CFLAR: variants seen among roughly 807,000 people sequenced by gnomAD.
CFLAR encodes the protein CASP8 and FADD-like apoptosis regulator.
In CFLAR, 14 loss-of-function variants were observed where a neutral mutation model predicts 51.1. That is an observed-to-expected ratio of 0.27 (90% CI 0.18 to 0.43). The LOEUF (loss-of-function observed/expected upper bound fraction) is 0.43, where lower values mean the gene tolerates loss of function less well. Among genes scored for constraint, CFLAR ranks in the 20% least tolerant of loss-of-function variants. The probability of loss-of-function intolerance (pLI) is 1.00; values close to 1 mark genes in which losing one functional copy is unlikely to be tolerated. For synonymous variants in CFLAR, 210 were observed against 211.6 expected, an observed-to-expected ratio of 0.99 and a Z score of 0.06; for missense variants, 390 against 566.5, an observed-to-expected ratio of 0.69 and a Z score of 3.16.
rs907338657 is a variant in CFLAR, at chr2:201,127,141, G to A, written c.-137-2588G>A. ...GAAAAGTAAACTGCTGAAAACACTT[G>A]GGGGGAGAAATGAAGCTAATGGTAT... On this transcript the variant is annotated intron_variant, in intron 1 of 9. Coordinates refer to ENST00000309955, the MANE Select transcript of CFLAR (RefSeq NM_003879.7). 2.0e-5 allele frequency among the ~76,000 whole-genome samples: 3 copies of A among 152,268 alleles called. No homozygotes were observed. The East Asian group carries it at 5.8e-4, about 29-fold the overall frequency.
Position 201,172,803 on chromosome 2 carries a change from C to G in CFLAR, c.*8830C>G, listed in dbSNP as rs1379903727. Reference sequence around the variant, plus strand: ...GCATTTAGTTTATTCATCAGTTGATCGAAATTTAGACTGTTTCCACTTTTT... The same window carrying G: ...GCATTTAGTTTATTCATCAGTTGATGGAAATTTAGACTGTTTCCACTTTTT... On this transcript the variant is annotated 3_prime_UTR_variant, in exon 10 of 10. Coordinates refer to ENST00000309955, the MANE Select transcript of CFLAR (RefSeq NM_003879.7). 1.3e-5 allele frequency: 2 copies of G among 152,118 alleles called. No homozygotes were observed. The highest frequency in any genetic ancestry group is 2.9e-5 in the Non-Finnish European group (2 of 68,024). The allele number at this position is 152,118 out of a possible 1,614,324, so 9.4% of individuals were successfully genotyped here.
intron 8 of CFLAR, among the ~76,000 whole-genome samples, chr2:201,157,175 GTC>G (rs1298367038): frequency 6.6e-6 from 1 of 152,172 alleles, no homozygotes; most frequent in Non-Finnish European, 1.5e-5. Flanking sequence ...CTGAGACAGA[GTC>G]TCACTCTTTC....
chr2:201,125,484 A>AAG (rs1229253276), intron 1 of CFLAR, among the ~76,000 whole-genome samples: 1 of 152,018 alleles, frequency 6.6e-6, no homozygotes, highest in Non-Finnish European at 1.5e-5. Context: ...AGAGAGGATG[A>AAG]AGAGAGTAGA....
chr2:201,160,685 A>C lies in CFLAR; in HGVS notation c.1047A>C (p.Ala349=). 1.9e-6 allele frequency: 3 copies of C among 1,614,138 alleles called. No homozygotes were observed. Among genetic ancestry groups the C allele is most frequent in the Non-Finnish European group, 2.5e-6 (3 of 1,180,020 alleles). Residue 349 remains alanine, a synonymous_variant, in exon 9 of 10, where the codon GCA becomes GCC. Coordinates refer to ENST00000309955, the MANE Select transcript of CFLAR (RefSeq NM_003879.7). ...TGGGAGATTCATGCCCTTATCTAGC[A>C]GGGAAGCCAAAGATGTTTTTTATTC... ...MFMGDSCPYL[A]GKPKMFFIQN...
rs1212205808 is a variant in CFLAR at position 201,165,249 on chromosome 2, T to C, written c.*1276T>C. On this transcript the variant is annotated 3_prime_UTR_variant, in exon 10 of 10. Coordinates refer to ENST00000309955, the MANE Select transcript of CFLAR (RefSeq NM_003879.7). The stretch of plus-strand genomic sequence containing the variant: ...AAATATCATTAGAGTTGCTTATTAT[T>C]ATTATTATTATTATTATTATTATTA... 1 of 74,046 alleles carries C rather than the reference T, an allele frequency of 1.4e-5. No homozygotes were observed. The highest frequency in any genetic ancestry group is 3.6e-5 in the Non-Finnish European group (1 of 27,664). The allele number at this position is 74,046 out of a possible 1,614,324, so 4.6% of individuals were successfully genotyped here.
At position 201,164,010 on chromosome 2, in the gene CFLAR, A is replaced by G. The variant is rs1138209; in HGVS notation, c.*37A>G. The G allele has an allele frequency of 1.9e-6, 3 of 1,581,254 alleles. No individual in the cohort carries two copies. The highest frequency in any genetic ancestry group is 1.8e-4 in the Middle Eastern group (1 of 5,686). ...GCTGGGCGTAGTGGCTCACACCTGT[A>G]ATCCCAGCACTTTGGGAGGCCAAGG... On this transcript the variant is annotated 3_prime_UTR_variant, in exon 10 of 10. Transcript: ENST00000309955.
intron 8 of CFLAR, among the ~76,000 whole-genome samples, chr2:201,155,327 G>A (rs997340261): frequency 7.2e-5 from 11 of 151,830 alleles, no homozygotes; most frequent in Admixed American, 2.0e-4. Context: ...GTGCAATGGC[G>A]TTATCTTGGC....
Position 201,127,380 on chromosome 2 carries a change from T to A in CFLAR, c.-137-2349T>A, listed in dbSNP as rs541455257. On this transcript the variant is annotated intron_variant, in intron 1 of 9. Coordinates refer to ENST00000309955, the MANE Select transcript of CFLAR (RefSeq NM_003879.7). ...GCTCTAAAGAACTCATTCATCTGGGTGTGGTGGCTTACACCTGTAATCTCA... is the reference window on the plus strand; with the variant it reads ...GCTCTAAAGAACTCATTCATCTGGGAGTGGTGGCTTACACCTGTAATCTCA... Among the ~76,000 whole-genome samples, 22 of 152,200 alleles carry A rather than the reference T, an allele frequency of 1.4e-4. No individual in the cohort carries two copies. In the East Asian group the frequency reaches 4.1e-3, roughly 28 times the overall value.
intron 6 of CFLAR, 142 bp from the exon 7 acceptor site, chr2:201,148,861 G>A: frequency 3.3e-6 from 2 of 612,524 alleles, no homozygotes; most frequent in Non-Finnish European, 3.0e-6. Flanking sequence ...AAACCTTGGG[G>A]CCAAGTATAG....
rs1326876606 is a variant in CFLAR at position 201,149,029 on chromosome 2, G to A, written c.688G>A (p.Glu230Lys). Residue 230 changes from glutamate to lysine, a missense_variant, in exon 7 of 10, where the codon GAA becomes AAA. Physicochemically the swap from Glu to Lys is moderately conservative, Grantham distance 56. Around this residue, in one of 2 missense-constraint regions of CFLAR, gnomAD observed 287 missense variants for 363.6 expected, o/e 0.79. Coordinates refer to ENST00000309955, the MANE Select transcript of CFLAR (RefSeq NM_003879.7). ...QQEPVKKSIQ[E>K]SEAFLPQSIP... ...AGAACCAGTGAAGAAATCCATTCAG[G>A]AATCAGAAGCTTTTTTGCCTCAGGT... 6.2e-7 allele frequency: 1 copy of A among 1,612,306 alleles called. No individual in the cohort carries two copies. Among genetic ancestry groups the A allele is most frequent in the African/African-American group, 1.3e-5 (1 of 74,888 alleles).
At position 201,168,174 on chromosome 2, in the gene CFLAR, G is replaced by A. The variant is rs1943774066; in HGVS notation, c.*4201G>A. 6.6e-6 allele frequency: 1 copy of A among 152,152 alleles called. No individual in the cohort carries two copies. Among genetic ancestry groups the A allele is most frequent in the African/African-American group, 2.4e-5 (1 of 41,438 alleles). 9.4% of individuals were successfully genotyped at this position (152,152 alleles called of 1,614,324 possible). ...AGAGAACGGCATGAACCTGGGAGGT[G>A]GAGCTTGCAGCGAGCTGAGATCTTG... On this transcript the variant is annotated 3_prime_UTR_variant, in exon 10 of 10. Transcript: ENST00000309955.
chr2:201,124,316 A>G lies in CFLAR; in HGVS notation c.-137-5413A>G, dbSNP rs528006226. Among the ~76,000 whole-genome samples the G allele has an allele frequency of 1.2e-4, 18 of 152,198 alleles. No homozygotes were observed. The highest frequency in any genetic ancestry group is 2.1e-4 in the Non-Finnish European group (14 of 67,996). ...CCAGGGAAGTGTGTTAAGTGCTTCAATAGAGGTGTTTTGTTTTGTTTTGTT... is the reference window on the plus strand; with the variant it reads ...CCAGGGAAGTGTGTTAAGTGCTTCAGTAGAGGTGTTTTGTTTTGTTTTGTT... On this transcript the variant is annotated intron_variant, in intron 1 of 9. Transcript: ENST00000309955. The surrounding 1 kb of genome is among the most constrained non-coding windows in gnomAD (Gnocchi z 4.7).
Position 201,133,116 on chromosome 2 carries a change from C to G in CFLAR, c.369C>G (p.Gly123=). The G allele has an allele frequency of 1.2e-6, 2 of 1,612,710 alleles. No homozygotes were observed. Among genetic ancestry groups the G allele is most frequent in the Non-Finnish European group, 1.7e-6 (2 of 1,178,770 alleles). The change falls in exon 3 of 10, where the codon GGC becomes GGG. Residue 123 remains glycine, a synonymous_variant. Coordinates refer to ENST00000309955, the MANE Select transcript of CFLAR (RefSeq NM_003879.7). ...IFLMKDYMGR[G]KISKEKSFLD... ...TCATGAAGGATTACATGGGCCGAGG[C>G]AAGATAAGCAAGGAGAAGGTGAGTT...
chr2:201,158,160 C>G (rs529752977), intron 8 of CFLAR, among the ~76,000 whole-genome samples: 1 of 152,184 alleles, frequency 6.6e-6, no homozygotes, highest in African/African-American at 2.4e-5. Context: ...AGATTCAGAC[C>G]CTAGTAGGAG....
chr2:201,134,406 G>A lies in CFLAR; in HGVS notation c.387+1272G>A, dbSNP rs527500149. Among the ~76,000 whole-genome samples, 320 of 152,060 alleles carry A rather than the reference G, an allele frequency of 2.1e-3. 3 individuals carry two copies. Among genetic ancestry groups the A allele is most frequent in the African/African-American group, 7.3e-3 (302 of 41,482 alleles). The stretch of plus-strand genomic sequence containing the variant: ...TCCCAGCACTTTGGGAGGCTGAGCC[G>A]GGCAGATCACTTGAGGTCAGGAGTT... On this transcript the variant is annotated intron_variant, in intron 3 of 9. Transcript: ENST00000309955.
chr2:201,126,236 C>CA (rs898578734), intron 1 of CFLAR, among the ~76,000 whole-genome samples: 1 of 151,928 alleles, frequency 6.6e-6, no homozygotes, highest in Non-Finnish European at 1.5e-5. Context: ...GTAAAGTAGG[C>CA]AAAAAAGTTA....
intron 5 of CFLAR, chr2:201,141,387 A>G: frequency 1.3e-6 from 2 of 1,559,328 alleles, no homozygotes; most frequent in South Asian, 1.2e-5. Flanking sequence ...ATAACACCCT[A>G]TGCCCATTGT....
At position 201,166,694 on chromosome 2, in the gene CFLAR, C is replaced by T. The variant is rs1452583231; in HGVS notation, c.*2721C>T. The T allele has an allele frequency of 1.2e-5, 2 of 171,712 alleles. No homozygotes were observed. The highest frequency in any genetic ancestry group is 2.4e-5 in the Non-Finnish European group (2 of 82,704). 10.6% of individuals were successfully genotyped at this position (171,712 alleles called of 1,614,324 possible). The stretch of plus-strand genomic sequence containing the variant: ...TGGGCAACATTGAGCACTGAGTGGA[C>T]GAGACTCTGCCCGCAATCCCGGCAC... On this transcript the variant is annotated 3_prime_UTR_variant, in exon 10 of 10. Coordinates refer to ENST00000309955, the MANE Select transcript of CFLAR (RefSeq NM_003879.7).
chr2:201,160,407 C>T (rs1276902253), intron 8 of CFLAR, 25 bp from the exon 9 acceptor site: 1 of 1,602,528 alleles, frequency 6.2e-7, no homozygotes, highest in South Asian at 1.1e-5. Flanking sequence ...TGTTGTTTTC[C>T]GTGTTTGTTT....
Sources: allele counts gnomAD v4.1 joint callset (sites outside exome capture counted in the v4.1 genomes callset), GRCh38; gene constraint gnomAD v4.1.1; regional missense constraint gnomAD v4.1.1; non-coding constraint Gnocchi (gnomAD v3.1); transcripts MANE v1.5; gene names NCBI Gene and HGNC (gene_info 2026-07-23, HGNC 2026-07-21).